NRCAM: variants seen among roughly 807,000 people sequenced by gnomAD.
NRCAM encodes NgCAM-related cell adhesion molecule.
NRCAM carries 83 observed loss-of-function variants against 156.5 expected under a neutral mutation model. That is an observed-to-expected ratio of 0.53 (90% CI 0.44 to 0.64). NRCAM has a LOEUF of 0.64. Among genes scored for constraint, NRCAM ranks in the 30% least tolerant of loss-of-function variants. The pLI is 0.00. For missense variants in NRCAM, 1,417 were observed against 1,597.3 expected (o/e 0.89, Z 1.92); for synonymous variants, 538 against 563.9 (o/e 0.95, Z 0.65).
chr7:108,209,361 TTTAA>T, intron 12 of NRCAM, 56 bp downstream of exon 12: 1 of 1,173,592 alleles, frequency 8.5e-7, no homozygotes, highest in East Asian at 2.6e-5. Context: ...GAAAACCACA[TTTAA>T]TTAAAGTTTC....
At chr7:108,299,460 G>C (rs2098545725) in intron 3 of NRCAM, among the ~76,000 whole-genome samples, 1 of 152,074 alleles carries the variant, frequency 6.6e-6, no homozygotes. Context: ...TTTTTTTTCA[G>C]ATAGAATCAG....
chr7:108,293,923 T>C (rs899177286), intron 3 of NRCAM, among the ~76,000 whole-genome samples: 1 of 152,172 alleles, frequency 6.6e-6, no homozygotes, highest in East Asian at 1.9e-4. Context: ...ATTCACCTAT[T>C]GTCTTTTAGC....
chr7:108,395,974 T>C (rs1380618247), intron 2 of NRCAM, among the ~76,000 whole-genome samples: 1 of 152,172 alleles, frequency 6.6e-6, no homozygotes, highest in Non-Finnish European at 1.5e-5. Context: ...GCTCATACGG[T>C]TGTTCTGCCC....
In NRCAM at chr7:108,223,839, G is replaced by A. The variant is rs1171431835; in HGVS notation, c.779-3C>T. 2 of 1,452,746 alleles carry A rather than the reference G, an allele frequency of 1.4e-6. No homozygotes were observed. Among genetic ancestry groups the A allele is most frequent in the Non-Finnish European group, 1.9e-6 (2 of 1,034,116 alleles). 90.0% of individuals were successfully genotyped at this position (1,452,746 alleles called of 1,614,324 possible). A position where few individuals can be genotyped will look rare whatever the true frequency, so the allele number is the denominator to read the frequency against. On this transcript the variant is annotated splice_region_variant and splice_polypyrimidine_tract_variant and intron_variant, in intron 10 of 32. Coordinates refer to ENST00000379028, the MANE Select transcript of NRCAM (RefSeq NM_001037132.4). The stretch of plus-strand genomic sequence containing the variant: ...TGGCCTCTCTCTACTTGATTTAGCT[G>A]CAAACAAGAAAATCAGTATGCATTA...
At chr7:108,222,237 A>ATTGT (rs1424771588) in intron 11 of NRCAM, among the ~76,000 whole-genome samples, 1 of 152,128 alleles carries the variant, frequency 6.6e-6, no homozygotes, top group Non-Finnish European at 1.5e-5. Flanking sequence ...AAAGCCATGA[A>ATTGT]TTGTTTTGGA....
chr7:108,194,080 G>A lies in NRCAM; in HGVS notation c.1722C>T (p.Thr574=). Residue 574 remains threonine, a synonymous_variant, in exon 17 of 33, where the codon ACC becomes ACT. Coordinates refer to ENST00000379028, the MANE Select transcript of NRCAM (RefSeq NM_001037132.4). ...TCAGCCACAGGACAGTGAGGGATAA[G>A]GTGTGATCATGTTTCACTTTGCATT... The part of the protein sequence containing the change: ...SFECKVKHDH[T]LSLTVLWLKD... 3 of 1,614,142 alleles carry A rather than the reference G, an allele frequency of 1.9e-6. No individual in the cohort carries two copies. The highest frequency in any genetic ancestry group is 2.2e-5 in the East Asian group (1 of 44,884).
chr7:108,410,559 G>C (rs1011724968), intron 1 of NRCAM, among the ~76,000 whole-genome samples: 4 of 152,194 alleles, frequency 2.6e-5, no homozygotes, highest in African/African-American at 9.7e-5. Flanking sequence ...CTGAGGTAGG[G>C]ACTGGGCCTT....
intron 28 of NRCAM, among the ~76,000 whole-genome samples, chr7:108,173,277 C>A (rs113590496): frequency 3.9e-5 from 6 of 152,252 alleles, no homozygotes; most frequent in African/African-American, 1.4e-4. Context: ...TGAGCCACCA[C>A]GCCCGGCCAT....
At chr7:108,443,846 A>G (rs1424897153) in intron 1 of NRCAM, among the ~76,000 whole-genome samples, 1 of 148,178 alleles carries the variant, frequency 6.7e-6, no homozygotes, top group African/African-American at 2.5e-5. Flanking sequence ...CAATTATTAT[A>G]TATGTATTCC....
Position 108,365,390 on chromosome 7 carries a change from TTTTA to T in NRCAM, c.-174+34042_-174+34045del, listed in dbSNP as rs201316722. Among the ~76,000 whole-genome samples, 113 of 152,244 alleles carry T rather than the reference TTTTA, an allele frequency of 7.4e-4. 3 individuals carry two copies. The East Asian group carries it at 0.02, about 27-fold the overall frequency. On this transcript the variant is annotated intron_variant, in intron 2 of 32. Coordinates refer to ENST00000379028, the MANE Select transcript of NRCAM (RefSeq NM_001037132.4). The stretch of plus-strand genomic sequence containing the variant: ...TACTCCATAAAATTATCTTCAAAAG[TTTTA>T]TTTTATTTTTCATTGACAAGTAATA...
intron 2 of NRCAM, among the ~76,000 whole-genome samples, chr7:108,370,710 T>A (rs2099622948): frequency 6.6e-6 from 1 of 152,108 alleles, no homozygotes; most frequent in South Asian, 2.1e-4. Context: ...ATTTGCTGTA[T>A]CTATTTCTGT....
rs752578032 is a variant in NRCAM at position 108,181,884 on chromosome 7, C to T, written c.2584G>A (p.Ala862Thr). The T allele has an allele frequency of 3.7e-6, 6 of 1,614,030 alleles. No homozygotes were observed. The Admixed American group carries it at 1.0e-4, about 27-fold the overall frequency. ...GGTACTGGGTCCCAGTGCACCTCGG[C>T]TAAGGTACTGTTCACCACATTCACA... ...VRVNVVNSTL[A>T]EVHWDPVPLK... is the part of the protein sequence containing the mutation. The change falls in exon 24 of 33, where the codon GCC (alanine) becomes ACC (threonine). Residue 862 changes from alanine (A) to threonine (T), a missense_variant. Physicochemically the swap from Ala to Thr is moderately conservative, Grantham distance 58. Coordinates refer to ENST00000379028, the MANE Select transcript of NRCAM (RefSeq NM_001037132.4).
intron 3 of NRCAM, among the ~76,000 whole-genome samples, chr7:108,280,115 A>G (rs1269671): frequency 0.93 from 141,396 of 152,276 alleles, 65,694 homozygotes; most frequent in East Asian, 1. Flanking sequence ...AGCCCAGAAT[A>G]AAAAGACACC....
intron 1 of NRCAM, among the ~76,000 whole-genome samples, chr7:108,453,357 C>G (rs753898256): frequency 4.6e-5 from 7 of 152,200 alleles, no homozygotes; most frequent in Non-Finnish European, 7.3e-5. Flanking sequence ...TATACATTCT[C>G]AGGACCCCCT....
intron 3 of NRCAM, among the ~76,000 whole-genome samples, chr7:108,295,152 G>C (rs780149288): frequency 2.0e-5 from 3 of 152,146 alleles, no homozygotes; most frequent in African/African-American, 7.2e-5. Flanking sequence ...GAAGAATTCT[G>C]TGTCATTTGG....
intron 31 of NRCAM, among the ~76,000 whole-genome samples, chr7:108,159,949 T>C (rs1012100682): frequency 6.6e-6 from 1 of 152,156 alleles, no homozygotes; most frequent in South Asian, 2.1e-4. Flanking sequence ...GCCCACTAAA[T>C]TGAATAAACC....
intron 7 of NRCAM, 70 bp from the exon 8 acceptor site, chr7:108,231,223 A>G: frequency 1.7e-6 from 2 of 1,151,298 alleles, no homozygotes; most frequent in Non-Finnish European, 2.4e-6. Flanking sequence ...CCCTACAAAT[A>G]AAGGCAAACT....
chr7:108,289,760 A>C (rs144590417), intron 3 of NRCAM, among the ~76,000 whole-genome samples: 40 of 152,264 alleles, frequency 2.6e-4, no homozygotes, highest in African/African-American at 9.4e-4. Flanking sequence ...GGTTCTGAAC[A>C]TGAGGTCTCC....
At chr7:108,196,501 C>A (rs917094915) in intron 14 of NRCAM, among the ~76,000 whole-genome samples, 3 of 152,056 alleles carry the variant, frequency 2.0e-5, no homozygotes, top group Non-Finnish European at 4.4e-5. Flanking sequence ...AAATGAATAA[C>A]CTGGTTAAAA....
Sources: allele counts gnomAD v4.1 joint callset (sites outside exome capture counted in the v4.1 genomes callset), GRCh38; gene constraint gnomAD v4.1.1; transcripts MANE v1.5; gene names NCBI Gene and HGNC (gene_info 2026-07-23, HGNC 2026-07-21).